The following CDH13 variants were observed in gnomAD, a reference collection of about 807,000 sequenced individuals.
CDH13 encodes the protein cadherin 13, also known as cadherin-13.
CDH13 carries 24 observed loss-of-function variants against 63.8 expected under a neutral mutation model. That is an observed-to-expected ratio of 0.38 (90% CI 0.27 to 0.53). The LOEUF is 0.53. Ranked by LOEUF, CDH13 falls within the 20% of genes least tolerant of loss-of-function variation. The pLI is 0.85. For synonymous variants in CDH13, 503 were observed against 355.3 expected (o/e 1.42, Z -4.67); for missense variants, 1,049 against 903.1 (o/e 1.16, Z -2.07).
chr16:83,626,140 A>T (rs1442232364), intron 8 of CDH13, among the ~76,000 whole-genome samples: 1 of 151,792 alleles, frequency 6.6e-6, no homozygotes, highest in Non-Finnish European at 1.5e-5. Context: ...CCTCCTGCGT[A>T]GCTGGGGCTA....
At chr16:83,067,385 AGTTCTATAAAATGGGAACCATCCATAGT>A (rs1459835880) in intron 3 of CDH13, among the ~76,000 whole-genome samples, 3 of 152,204 alleles carry the variant, frequency 2.0e-5, no homozygotes, top group African/African-American at 7.2e-5. Context: ...CATAGTTTCC[AGTTCTATAAAATGGGAACCATCCATAGT>A]TGGTTGTATC....
intron 7 of CDH13, among the ~76,000 whole-genome samples, chr16:83,502,264 TTAA>T (rs1312162402): frequency 1.3e-5 from 2 of 152,142 alleles, no homozygotes; most frequent in African/African-American, 4.8e-5. Context: ...TCACAGGGTC[TTAA>T]TAAGGGGGAG....
At chr16:83,774,169 C>G (rs1044822341) in intron 11 of CDH13, among the ~76,000 whole-genome samples, 1 of 152,162 alleles carries the variant, frequency 6.6e-6, no homozygotes, top group Admixed American at 6.5e-5. Context: ...GTGATACCAG[C>G]AAGCCTAGGA....
intron 8 of CDH13, among the ~76,000 whole-genome samples, chr16:83,625,362 G>A (rs998680192): frequency 2.6e-5 from 4 of 152,138 alleles, no homozygotes; most frequent in Admixed American, 2.6e-4. Context: ...CATGTACCCT[G>A]TTTAAAGGAC....
chr16:83,437,497 G>T (rs2072342282), intron 6 of CDH13, among the ~76,000 whole-genome samples: 2 of 151,956 alleles, frequency 1.3e-5, no homozygotes, highest in Non-Finnish European at 2.9e-5. Context: ...CTAACACAGT[G>T]AAACCCCGTC....
intron 3 of CDH13, among the ~76,000 whole-genome samples, chr16:83,075,477 C>A (rs1450964112): frequency 6.6e-6 from 1 of 152,136 alleles, no homozygotes; most frequent in Non-Finnish European, 1.5e-5. Flanking sequence ...CTAGAATGGC[C>A]TAGGCAGAGT....
intron 3 of CDH13, among the ~76,000 whole-genome samples, chr16:83,050,904 G>C (rs916579848): frequency 4.6e-5 from 7 of 152,086 alleles, no homozygotes; most frequent in African/African-American, 1.7e-4. Context: ...TTTGTCTTTA[G>C]TTCCTCACCA....
At chr16:82,670,029 G>T (rs1299893594) in intron 1 of CDH13, among the ~76,000 whole-genome samples, 2 of 152,188 alleles carry the variant, frequency 1.3e-5, no homozygotes, top group South Asian at 2.1e-4. Context: ...AGCAGATACG[G>T]ACTGGAAAGC....
At chr16:82,681,552 G>T (rs895570304) in intron 1 of CDH13, among the ~76,000 whole-genome samples, 1 of 152,214 alleles carries the variant, frequency 6.6e-6, no homozygotes, top group Non-Finnish European at 1.5e-5. Context: ...CATAATGTTT[G>T]TTTGCCTCTT....
chr16:83,270,732 C>T (rs1567553498), intron 5 of CDH13, among the ~76,000 whole-genome samples: 1 of 152,152 alleles, frequency 6.6e-6, no homozygotes, highest in Non-Finnish European at 1.5e-5. Flanking sequence ...TCTATCCTCC[C>T]AGACGTGTTT....
At chr16:83,697,866 C>G (rs1175366714) in intron 10 of CDH13, among the ~76,000 whole-genome samples, 3 of 152,226 alleles carry the variant, frequency 2.0e-5, no homozygotes, top group Non-Finnish European at 4.4e-5. Flanking sequence ...AGGCTGATCT[C>G]AAACTCCTGG....
intron 1 of CDH13, among the ~76,000 whole-genome samples, chr16:82,858,087 C>T (rs549254872): frequency 6.6e-6 from 1 of 152,132 alleles, no homozygotes; most frequent in Non-Finnish European, 1.5e-5. Flanking sequence ...ACATGGAAAC[C>T]ATGGTGAGAA....
intron 5 of CDH13, among the ~76,000 whole-genome samples, chr16:83,233,539 G>T (rs1039103263): frequency 9.2e-5 from 14 of 152,184 alleles, no homozygotes; most frequent in Non-Finnish European, 1.6e-4. Context: ...CAAGCTGTGG[G>T]CAGAGCTGGC....
intron 8 of CDH13, among the ~76,000 whole-genome samples, chr16:83,659,046 T>C (rs1913183484): frequency 7.2e-6 from 1 of 139,206 alleles, no homozygotes; most frequent in South Asian, 2.4e-4. Context: ...CAAGGTTCCA[T>C]GTCCTCACCA....
chr16:83,001,156 C>G (rs538849608), intron 2 of CDH13, among the ~76,000 whole-genome samples: 2 of 152,318 alleles, frequency 1.3e-5, no homozygotes, highest in South Asian at 4.1e-4. Flanking sequence ...AAAAAGATGA[C>G]TTTATATTTA....
chr16:82,996,704 A>T (rs1354798731), intron 2 of CDH13, among the ~76,000 whole-genome samples: 2 of 152,140 alleles, frequency 1.3e-5, no homozygotes, highest in Non-Finnish European at 2.9e-5. Flanking sequence ...AGAAAATCAT[A>T]ATGAGAGTGA....
At chr16:83,689,679 G>A (rs1904651179) in intron 10 of CDH13, among the ~76,000 whole-genome samples, 1 of 152,138 alleles carries the variant, frequency 6.6e-6, no homozygotes, top group Non-Finnish European at 1.5e-5. Context: ...CAATAGCGTT[G>A]GCAGGAATCT....
intron 10 of CDH13, among the ~76,000 whole-genome samples, chr16:83,737,411 C>T (rs528725454): frequency 3.3e-5 from 5 of 152,176 alleles, no homozygotes; most frequent in Non-Finnish European, 7.4e-5. Context: ...TAAATTCACA[C>T]ACATGTGCTG....
chr16:83,518,628 A>G (rs957031739), intron 7 of CDH13, among the ~76,000 whole-genome samples: 1 of 149,300 alleles, frequency 6.7e-6, no homozygotes, highest in African/African-American at 2.5e-5. Flanking sequence ...ACCTGCCACT[A>G]CACCCGGCTA....
Sources: gnomAD v4.1 joint callset for allele counts (sites outside exome capture counted in the v4.1 genomes callset) on GRCh38, gnomAD v4.1.1 for gene constraint, MANE v1.5 for transcripts, NCBI Gene and HGNC (gene_info 2026-07-23, HGNC 2026-07-21) for gene names.